CTDSPL: variants seen among roughly 807,000 people sequenced by gnomAD.
CTDSPL encodes CTD small phosphatase like, also known as CTD small phosphatase-like protein.
CTDSPL carries 8 observed loss-of-function variants against 30.5 expected under a neutral mutation model. The ratio of observed to expected loss-of-function variants is 0.26; its 90% CI spans 0.15 to 0.47. The LOEUF is 0.47. Ranked by LOEUF, CTDSPL falls within the 20% of genes least tolerant of loss-of-function variation. The probability of loss-of-function intolerance (pLI) is 0.99; values close to 1 mark genes in which losing one functional copy is unlikely to be tolerated. For missense variants in CTDSPL, 248 were observed against 366.1 expected, an observed-to-expected ratio of 0.68 and a Z score of 2.63; for synonymous variants, 110 against 137.9, an observed-to-expected ratio of 0.80 and a Z score of 1.42.
intron 1 of CTDSPL, among the ~76,000 whole-genome samples, chr3:37,915,119 C>T (rs759678743): frequency 6.6e-6 from 1 of 151,936 alleles, no homozygotes; most frequent in Non-Finnish European, 1.5e-5. Flanking sequence ...GACATTTTCT[C>T]ATGGTATTTT....
At chr3:37,898,392 C>T (rs570304426) in intron 1 of CTDSPL, among the ~76,000 whole-genome samples, 1 of 152,240 alleles carries the variant, frequency 6.6e-6, no homozygotes, top group African/African-American at 2.4e-5. Context: ...GTTTAAAAGC[C>T]ACATATCATG....
Position 37,939,836 on chromosome 3 carries a change from A to G in CTDSPL, c.80-7221A>G, listed in dbSNP as rs994229860. Among the ~76,000 whole-genome samples, 7 of 150,434 alleles carry G rather than the reference A, an allele frequency of 4.7e-5. 1 individual carries two copies. The South Asian group carries it at 8.5e-4, about 18-fold the overall frequency. On this transcript the variant is annotated intron_variant, in intron 1 of 7. Transcript: ENST00000273179. ...GGGCTGGGCACGGTGGTTCACGCCT[A>G]TAATCCCCGCACTTTGGAAGGCCAA...
At chr3:37,900,821 C>A (rs998944151) in intron 1 of CTDSPL, among the ~76,000 whole-genome samples, 1 of 151,892 alleles carries the variant, frequency 6.6e-6, no homozygotes, top group African/African-American at 2.4e-5. Context: ...TTTTTTTAGA[C>A]GAAGTCTCGC....
At position 37,983,874 on chromosome 3, in the gene CTDSPL, G is replaced by A. The variant is rs1699523250; in HGVS notation, c.*3007G>A. 1 of 177,514 alleles carries A rather than the reference G, an allele frequency of 5.6e-6. No homozygotes were observed. 11.0% of individuals were successfully genotyped at this position (177,514 alleles called of 1,614,324 possible). A position where few individuals can be genotyped will look rare whatever the true frequency, so the allele number is the denominator to read the frequency against. ...ATGGTGAGGAAGCTCCTTTGACGTGGTGCAATTTTGATGAGATGTCTCTGG... is the reference window on the plus strand; with the variant it reads ...ATGGTGAGGAAGCTCCTTTGACGTGATGCAATTTTGATGAGATGTCTCTGG... On this transcript the variant is annotated 3_prime_UTR_variant, in exon 8 of 8. Transcript: ENST00000273179.
intron 1 of CTDSPL, among the ~76,000 whole-genome samples, chr3:37,940,702 C>G (rs1575309245): frequency 6.6e-6 from 1 of 150,418 alleles, no homozygotes; most frequent in Non-Finnish European, 1.5e-5. Context: ...TCATGTGGCT[C>G]AGATTGGCCA....
chr3:37,980,335 C>T (rs1245099557), intron 7 of CTDSPL, among the ~76,000 whole-genome samples: 2 of 152,236 alleles, frequency 1.3e-5, no homozygotes, highest in African/African-American at 4.8e-5. Flanking sequence ...TGGATGTGAG[C>T]TCCGCGCTGT....
intron 1 of CTDSPL, among the ~76,000 whole-genome samples, chr3:37,919,369 T>C (rs1411413897): frequency 6.6e-6 from 1 of 152,180 alleles, no homozygotes; most frequent in African/African-American, 2.4e-5. Context: ...AGCATAGAAT[T>C]TACAGCTTTC....
At chr3:37,924,824 G>A (rs922572899) in intron 1 of CTDSPL, among the ~76,000 whole-genome samples, 26 of 152,092 alleles carry the variant, frequency 1.7e-4, no homozygotes, top group Non-Finnish European at 3.1e-4. Flanking sequence ...GTAGGCTCTC[G>A]CTGTCCTGCC....
chr3:37,870,525 T>C (rs1163275877), intron 1 of CTDSPL, among the ~76,000 whole-genome samples: 2 of 152,176 alleles, frequency 1.3e-5, no homozygotes, highest in Non-Finnish European at 2.9e-5. Context: ...CTTTGTTGCA[T>C]TGATTTTTAA....
chr3:37,870,345 G>T (rs760219567), intron 1 of CTDSPL, among the ~76,000 whole-genome samples: 1 of 152,008 alleles, frequency 6.6e-6, no homozygotes, highest in Non-Finnish European at 1.5e-5. Context: ...TGTGTGTATA[G>T]AGCTATTCAT....
chr3:37,891,664 TAGTG>T (rs1191326029), intron 1 of CTDSPL, among the ~76,000 whole-genome samples: 2 of 152,246 alleles, frequency 1.3e-5, no homozygotes, highest in African/African-American at 4.8e-5. Context: ...ATTTTTCAGA[TAGTG>T]AGTCACTTTC....
At chr3:37,924,086 G>A (rs750700986) in intron 1 of CTDSPL, among the ~76,000 whole-genome samples, 1 of 152,198 alleles carries the variant, frequency 6.6e-6, no homozygotes, top group Non-Finnish European at 1.5e-5. Flanking sequence ...AGGACAACAG[G>A]CCTCTTGCCG....
intron 2 of CTDSPL, among the ~76,000 whole-genome samples, chr3:37,951,985 C>T (rs954904827): frequency 6.6e-6 from 1 of 152,076 alleles, no homozygotes; most frequent in African/African-American, 2.4e-5. Context: ...CAAGAATATA[C>T]CTGTCATCAA....
chr3:37,984,285 G>C lies in CTDSPL; in HGVS notation c.*3418G>C. On this transcript the variant is annotated 3_prime_UTR_variant, in exon 8 of 8. Coordinates refer to ENST00000273179, the MANE Select transcript of CTDSPL (RefSeq NM_001008392.2). Reference sequence around the variant, plus strand: ...AGACTGACACACCCTCCCCCACCCCGGGTAGTGGAGATGCTGGTGTCTGGG... The same window carrying C: ...AGACTGACACACCCTCCCCCACCCCCGGTAGTGGAGATGCTGGTGTCTGGG... The C allele has an allele frequency of 2.2e-6, 1 of 456,856 alleles. No homozygotes were observed. Among genetic ancestry groups the C allele is most frequent in the Non-Finnish European group, 4.4e-6 (1 of 227,022 alleles). 28.3% of individuals were successfully genotyped at this position (456,856 alleles called of 1,614,324 possible). A position where few individuals can be genotyped will look rare whatever the true frequency, so the allele number is the denominator to read the frequency against.
intron 1 of CTDSPL, among the ~76,000 whole-genome samples, chr3:37,891,979 T>TC (rs1698333304): frequency 6.6e-6 from 1 of 152,178 alleles, no homozygotes; most frequent in South Asian, 2.1e-4. Flanking sequence ...AAAAATGAGA[T>TC]CAATACAACT....
In CTDSPL at chr3:37,973,678, G is replaced by A. The variant is rs541671061; in HGVS notation, c.520-2031G>A. On this transcript the variant is annotated intron_variant, in intron 6 of 7. Transcript: ENST00000273179. Reference sequence around the variant, plus strand: ...CCGCAGGAACCTCAAGCTGACTGTCGTAGCCTTTCAGTATCTGCTTCATTG... The same window carrying A: ...CCGCAGGAACCTCAAGCTGACTGTCATAGCCTTTCAGTATCTGCTTCATTG... Among the ~76,000 whole-genome samples, 16 of 152,338 alleles carry A rather than the reference G, an allele frequency of 1.1e-4. No homozygotes were observed. In the South Asian group the frequency reaches 2.5e-3, roughly 24 times the overall value.
intron 1 of CTDSPL, among the ~76,000 whole-genome samples, chr3:37,868,289 G>T (rs1469889836): frequency 6.6e-6 from 1 of 151,788 alleles, no homozygotes; most frequent in Non-Finnish European, 1.5e-5. Flanking sequence ...CAAGTTTTGA[G>T]AATTTTTATA....
Position 37,862,169 on chromosome 3 carries a change from G to T in CTDSPL, c.-31G>T. On this transcript the variant is annotated 5_prime_UTR_variant, in exon 1 of 8. Coordinates refer to ENST00000273179, the MANE Select transcript of CTDSPL (RefSeq NM_001008392.2). The surrounding 1 kb of genome is among the most constrained non-coding windows in gnomAD (Gnocchi z 4.3). ...CGCGCGCTTGGCTTGCGGGGGGCCG[G>T]GCCTGCGGGCGGCCGCCGCGCCGCG... 1 of 1,087,594 alleles carries T rather than the reference G, an allele frequency of 9.2e-7. No individual in the cohort carries two copies. Among genetic ancestry groups the T allele is most frequent in the South Asian group, 4.0e-5 (1 of 24,740 alleles). 67.4% of individuals were successfully genotyped at this position (1,087,594 alleles called of 1,614,324 possible).
At position 37,876,105 on chromosome 3, in the gene CTDSPL, C is replaced by T. The variant is rs554924969; in HGVS notation, c.79+13827C>T. Among the ~76,000 whole-genome samples, 11 of 151,982 alleles carry T rather than the reference C, an allele frequency of 7.2e-5. No individual in the cohort carries two copies. The South Asian group carries it at 1.9e-3, about 26-fold the overall frequency. ...AAAAAATAAAAATAAATTAACAGGGCGTGGTGGTGCACACCTGTGGTCTCA... is the reference window on the plus strand; with the variant it reads ...AAAAAATAAAAATAAATTAACAGGGTGTGGTGGTGCACACCTGTGGTCTCA... On this transcript the variant is annotated intron_variant, in intron 1 of 7. Coordinates refer to ENST00000273179, the MANE Select transcript of CTDSPL (RefSeq NM_001008392.2).
Sources: gnomAD v4.1 joint callset for allele counts (sites outside exome capture counted in the v4.1 genomes callset) on GRCh38, gnomAD v4.1.1 for gene constraint, Gnocchi (gnomAD v3.1) non-coding constraint, MANE v1.5 for transcripts, NCBI Gene and HGNC (gene_info 2026-07-23, HGNC 2026-07-21) for gene names.